PAX5: variants seen among roughly 807,000 people sequenced by gnomAD.
PAX5 encodes the protein paired box protein Pax-5.
Under a neutral mutation model 43.7 loss-of-function variants are expected in PAX5, and 9 were observed. The ratio of observed to expected loss-of-function variants is 0.21; its 90% confidence interval spans 0.12 to 0.36. The LOEUF is 0.36. PAX5 is among the 10% of genes least tolerant of loss of function. The probability of loss-of-function intolerance (pLI) is 1.00; values close to 1 mark genes in which losing one functional copy is unlikely to be tolerated. For missense variants in PAX5, 383 were observed against 532.7 expected, an observed-to-expected ratio of 0.72 and a Z score of 2.77; for synonymous variants, 228 against 214.3, an observed-to-expected ratio of 1.06 and a Z score of -0.56.
chr9:36,842,321 G>A (rs546139303), intron 9 of PAX5, among the ~76,000 whole-genome samples: 10 of 152,174 alleles, frequency 6.6e-5, no homozygotes, highest in Non-Finnish European at 1.0e-4. Flanking sequence ...GTGTGTGCAT[G>A]AGAGGGGCAT....
At chr9:36,941,614 C>A (rs1273861763) in intron 6 of PAX5, among the ~76,000 whole-genome samples, 2 of 152,196 alleles carry the variant, frequency 1.3e-5, no homozygotes, top group African/African-American at 4.8e-5. Context: ...CAGGTAGGCA[C>A]TGGGGAGGAT....
intron 9 of PAX5, among the ~76,000 whole-genome samples, chr9:36,843,765 G>A (rs1822304323): frequency 6.6e-6 from 1 of 152,244 alleles, no homozygotes; most frequent in Non-Finnish European, 1.5e-5. Flanking sequence ...GATTGAGAAG[G>A]TAGCCCCTTG....
intron 7 of PAX5, among the ~76,000 whole-genome samples, chr9:36,910,952 A>G (rs1185686111): frequency 6.6e-6 from 1 of 152,160 alleles, no homozygotes; most frequent in Non-Finnish European, 1.5e-5. Flanking sequence ...TCATTCGTTC[A>G]TTCATTTGTA....
chr9:36,877,781 C>T (rs901976958), intron 8 of PAX5, among the ~76,000 whole-genome samples: 8 of 152,274 alleles, frequency 5.3e-5, no homozygotes, highest in Admixed American at 5.2e-4. Flanking sequence ...AGGGAGGCTC[C>T]TTATATGTAA....
intron 5 of PAX5, among the ~76,000 whole-genome samples, chr9:36,981,008 G>A (rs117804384): frequency 2.6e-5 from 4 of 151,882 alleles, no homozygotes; most frequent in Non-Finnish European, 5.9e-5. Flanking sequence ...TGCCACACTC[G>A]CCTCCATAGG....
At chr9:36,879,067 T>G (rs1382729933) in intron 8 of PAX5, among the ~76,000 whole-genome samples, 1 of 152,202 alleles carries the variant, frequency 6.6e-6, no homozygotes, top group Non-Finnish European at 1.5e-5. Context: ...AAGTGCTTGT[T>G]TCCTCCCTCC....
At position 36,849,024 on chromosome 9, in the gene PAX5, C is replaced by T. The variant is rs563947683; in HGVS notation, c.1013-2095G>A. Among the ~76,000 whole-genome samples the T allele has an allele frequency of 3.9e-5, 6 of 152,352 alleles. No individual in the cohort carries two copies. The South Asian group carries it at 1.2e-3, about 32-fold the overall frequency. ...TGTAGAGGTCCTTGGCTACCTTTTC[C>T]TCTGGGAAGCCCCTCTCCCACCCCT... On this transcript the variant is annotated intron_variant, in intron 8 of 9. Transcript: ENST00000358127.
chr9:36,990,635 G>A (rs760387520), intron 5 of PAX5, among the ~76,000 whole-genome samples: 2 of 152,226 alleles, frequency 1.3e-5, no homozygotes, highest in Non-Finnish European at 2.9e-5. Flanking sequence ...AGAGTGCTTG[G>A]ACTAAGGCAG....
chr9:36,891,126 G>C (rs983993917), intron 7 of PAX5, among the ~76,000 whole-genome samples: 10 of 152,084 alleles, frequency 6.6e-5, no homozygotes, highest in Non-Finnish European at 2.9e-5. Context: ...GCGACAGAGC[G>C]CAACTTCATC....
At chr9:36,940,726 A>C (rs1392193313) in intron 6 of PAX5, among the ~76,000 whole-genome samples, 1 of 151,988 alleles carries the variant, frequency 6.6e-6, no homozygotes, top group Non-Finnish European at 1.5e-5. Context: ...GAGTCTGGAG[A>C]GGCACCCAGG....
chr9:37,013,711 C>A (rs1839159668), intron 3 of PAX5, among the ~76,000 whole-genome samples: 1 of 152,172 alleles, frequency 6.6e-6, no homozygotes, highest in Non-Finnish European at 1.5e-5. Context: ...CCACCCTGGA[C>A]AAAGAGCCCC....
chr9:36,951,002 A>G (rs992131605), intron 6 of PAX5, among the ~76,000 whole-genome samples: 2 of 152,198 alleles, frequency 1.3e-5, no homozygotes, highest in Non-Finnish European at 2.9e-5. Context: ...TCGGCCTCCC[A>G]AAGTGCTGGG....
chr9:37,030,569 G>C (rs138958407), intron 1 of PAX5, among the ~76,000 whole-genome samples: 1 of 152,200 alleles, frequency 6.6e-6, no homozygotes, highest in East Asian at 1.9e-4. Flanking sequence ...GCTTTGGGCC[G>C]GGCCCTGTGC....
At chr9:37,007,578 T>A (rs1374610353) in intron 3 of PAX5, 1 of 152,186 alleles carries the variant, frequency 6.6e-6, no homozygotes, top group South Asian at 2.1e-4. Context: ...ACCAGAAAGC[T>A]CCTTCCTTGG....
chr9:36,876,992 C>A (rs1256596353), intron 8 of PAX5, among the ~76,000 whole-genome samples: 1 of 152,200 alleles, frequency 6.6e-6, no homozygotes, highest in Non-Finnish European at 1.5e-5. Flanking sequence ...GGCAAGCGTG[C>A]CTTCCTCTGT....
At chr9:37,001,016 C>T (rs913842977) in intron 5 of PAX5, among the ~76,000 whole-genome samples, 11 of 152,228 alleles carry the variant, frequency 7.2e-5, no homozygotes, top group African/African-American at 2.4e-5. Flanking sequence ...CACCGTCCCT[C>T]TTAAAGGTCA....
chr9:36,934,213 C>A (rs181521865), intron 6 of PAX5, among the ~76,000 whole-genome samples: 1 of 152,346 alleles, frequency 6.6e-6, no homozygotes, highest in Non-Finnish European at 1.5e-5. Flanking sequence ...GGTACCTTTT[C>A]TCATTTGTAA....
Position 36,834,846 on chromosome 9 carries a change from G to GT in PAX5, c.*5713dup, listed in dbSNP as rs1219481142. The GT allele has an allele frequency of 6.8e-6, 1 of 146,326 alleles. No individual in the cohort carries two copies. The highest frequency in any genetic ancestry group is 1.5e-5 in the Non-Finnish European group (1 of 68,048). 9.1% of individuals were successfully genotyped at this position (146,326 alleles called of 1,614,324 possible). ...GCGGCCATAGCCACAGGGTCACAGGGTGGGGGGCGGGGGTCAGGGCAGGTG... is the reference window on the plus strand; with the variant it reads ...GCGGCCATAGCCACAGGGTCACAGGGTTGGGGGGCGGGGGTCAGGGCAGGTG... On this transcript the variant is annotated 3_prime_UTR_variant, in exon 10 of 10. Transcript: ENST00000358127.
intron 4 of PAX5, among the ~76,000 whole-genome samples, chr9:37,005,053 T>C (rs181027059): frequency 1.2e-3 from 178 of 152,354 alleles, no homozygotes; most frequent in African/African-American, 4.2e-3. Context: ...AATGAAAGAA[T>C]ATTAGCAGTT....
Sources: gnomAD v4.1 joint callset for allele counts (sites outside exome capture counted in the v4.1 genomes callset) on GRCh38, gnomAD v4.1.1 for gene constraint, MANE v1.5 for transcripts, NCBI Gene and HGNC (gene_info 2026-07-23, HGNC 2026-07-21) for gene names.